The following STK32C variants were observed in gnomAD, a reference collection of about 807,000 sequenced individuals.
STK32C encodes the protein serine/threonine-protein kinase 32C.
Under a neutral mutation model 56.5 loss-of-function variants are expected in STK32C, and 31 were observed. That is an observed-to-expected ratio of 0.55 (90% CI 0.41 to 0.74). The LOEUF (loss-of-function observed/expected upper bound fraction) is 0.74. STK32C is among the 30% of genes least tolerant of loss of function. The pLI, the probability that STK32C is intolerant of heterozygous loss-of-function variation, is 0.00. For synonymous variants in STK32C, 309 were observed against 289.4 expected, an observed-to-expected ratio of 1.07 and a Z score of -0.69; for missense variants, 544 against 676.9, an observed-to-expected ratio of 0.80 and a Z score of 2.18.
At chr10:132,312,573 C>A (rs1044005312), upstream of STK32C, among the ~76,000 whole-genome samples, 1 of 152,140 alleles carries the variant, frequency 6.6e-6, no homozygotes, top group African/African-American at 2.4e-5. Flanking sequence ...TAAAAAGAGT[C>A]ATCGGTCCCA....
intron 1 of STK32C, among the ~76,000 whole-genome samples, chr10:132,266,387 T>A (rs1334557338): frequency 6.6e-6 from 1 of 152,140 alleles, no homozygotes; most frequent in East Asian, 1.9e-4. Context: ...TCTGTCTCCA[T>A]GGGGGGTCTT....
chr10:132,308,882 G>A (rs1475141064), upstream of STK32C, among the ~76,000 whole-genome samples: 1 of 152,226 alleles, frequency 6.6e-6, no homozygotes, highest in East Asian at 1.9e-4. Flanking sequence ...TGGAGAAGGC[G>A]CGGCTCTGCA....
chr10:132,298,601 G>A (rs1396899409), intron 1 of STK32C, among the ~76,000 whole-genome samples: 1 of 152,140 alleles, frequency 6.6e-6, no homozygotes, highest in Non-Finnish European at 1.5e-5. Flanking sequence ...CACTGGGGAG[G>A]GAGGGAGGGG....
intron 4 of STK32C, 30 bp from the exon 5 acceptor site, chr10:132,225,814 T>G: frequency 5.0e-6 from 8 of 1,613,204 alleles, no homozygotes; most frequent in Non-Finnish European, 6.8e-6. Context: ...GGAAGGTGAG[T>G]TGGGAATCTG....
At position 132,330,518 on chromosome 10, in the gene STK32C, CTT is replaced by C. The variant is rs71694648; in HGVS notation, c.301+916_301+917del. The C allele has an allele frequency of 5.8e-4, 408 of 700,352 alleles. No individual in the cohort carries two copies. In the African/African-American group the frequency reaches 6.5e-3, roughly 11 times the overall value. The allele number at this position is 700,352 out of a possible 1,614,324, so 43.4% of individuals were successfully genotyped here. ...GTAGATAGTTGGGTATGTACGAAAA[CTT>C]TTTTTTTGAGACAGGGTCTCGCTGT... is the stretch of plus-strand genomic sequence containing the variant. On this transcript the variant is annotated intron_variant, in intron 1 of 1. Transcript: ENST00000368619.
chr10:132,253,390 G>C (rs2063976945), intron 1 of STK32C, among the ~76,000 whole-genome samples: 1 of 150,836 alleles, frequency 6.6e-6, no homozygotes, highest in South Asian at 2.1e-4. Flanking sequence ...AGCCGAGGTA[G>C]CTGGAGGGAG....
At position 132,207,996 on chromosome 10, in the gene STK32C, A is replaced by G. The variant is rs376431861; in HGVS notation, c.*14T>C. ...CAAAGCAGCTCAAGGGGTGAGGACC[A>G]CGGGCGTCCCGGCCTAGCCGCTCCC... On this transcript the variant is annotated 3_prime_UTR_variant, in exon 12 of 12. Transcript: ENST00000298630. 387 of 1,302,216 alleles carry G rather than the reference A, an allele frequency of 3.0e-4. No individual in the cohort carries two copies. Among genetic ancestry groups the G allele is most frequent in the Non-Finnish European group, 3.2e-4 (330 of 1,018,820 alleles). The allele number at this position is 1,302,216 out of a possible 1,614,324, so 80.7% of individuals were successfully genotyped here.
intron 1 of STK32C, chr10:132,330,231 T>C: frequency 1.8e-6 from 1 of 548,550 alleles, no homozygotes; most frequent in Non-Finnish European, 3.3e-6. Flanking sequence ...TAATGTAGCA[T>C]GAAAAATGTG....
At chr10:132,226,695 C>T (rs769288469) in intron 4 of STK32C, 100 bp downstream of exon 4, 57 of 1,427,096 alleles carry the variant, frequency 4.0e-5, no homozygotes, top group South Asian at 2.3e-4. Flanking sequence ...GAGCTAGACC[C>T]GCTCTGAGGG....
rs1318875097 is a variant in STK32C, at chr10:132,239,658, T to C, written c.318+6242A>G. Among the ~76,000 whole-genome samples the C allele has an allele frequency of 3.3e-5, 5 of 152,298 alleles. No individual in the cohort carries two copies. The East Asian group carries it at 5.8e-4, about 18-fold the overall frequency. ...GAAACCCAGGCCCAGCCGCCCGCAGTGACTGCAGCAGCCCCTGCCCCGGGA... is the reference window on the plus strand; with the variant it reads ...GAAACCCAGGCCCAGCCGCCCGCAGCGACTGCAGCAGCCCCTGCCCCGGGA... On this transcript the variant is annotated intron_variant, in intron 2 of 11. Transcript: ENST00000298630.
rs568579900 is a variant in STK32C, at chr10:132,228,279, C to T, written c.319-151G>A. ...CCGCAGCCCCTCTGCCTCCTAGACG[C>T]GGCAGGTGCATTCCTCTCTGCCACA... On this transcript the variant is annotated intron_variant, in intron 2 of 11. Coordinates refer to ENST00000298630, the MANE Select transcript of STK32C (RefSeq NM_173575.4). The T allele has an allele frequency of 2.5e-4, 220 of 874,560 alleles. 1 individual carries two copies. The African/African-American group carries it at 3.1e-3, about 12-fold the overall frequency. 54.2% of individuals were successfully genotyped at this position (874,560 alleles called of 1,614,324 possible).
chr10:132,233,474 C>T (rs1332662658), intron 2 of STK32C, among the ~76,000 whole-genome samples: 3 of 152,196 alleles, frequency 2.0e-5, no homozygotes, highest in Non-Finnish European at 2.9e-5. Flanking sequence ...AGTTTTCCCC[C>T]GATGCCTAGT....
chr10:132,251,223 C>A (rs73383237), intron 1 of STK32C, among the ~76,000 whole-genome samples: 1 of 152,346 alleles, frequency 6.6e-6, no homozygotes, highest in South Asian at 2.1e-4. Context: ...CAGGCCCTAC[C>A]CAGTTTCGCC....
chr10:132,239,718 C>T (rs59869720), intron 2 of STK32C, among the ~76,000 whole-genome samples: 3,944 of 152,312 alleles, frequency 0.026, 162 homozygotes, highest in African/African-American at 0.088. Flanking sequence ...TGCTGGACAT[C>T]GTCAACTTTT....
intron 2 of STK32C, among the ~76,000 whole-genome samples, chr10:132,234,581 G>C (rs1219725388): frequency 6.6e-6 from 1 of 152,220 alleles, no homozygotes; most frequent in Non-Finnish European, 1.5e-5. Context: ...CCTGCATCCT[G>C]TGCTCTGTAT....
At chr10:132,327,639 A>G (rs541101360) in intron 1 of STK32C, among the ~76,000 whole-genome samples, 13 of 151,962 alleles carry the variant, frequency 8.6e-5, no homozygotes, top group African/African-American at 3.1e-4. Context: ...CCACGCCTGG[A>G]TAATTTTTGT....
intron 2 of STK32C, among the ~76,000 whole-genome samples, chr10:132,245,094 T>C (rs1207037538): frequency 2.0e-5 from 3 of 152,196 alleles, no homozygotes; most frequent in Non-Finnish European, 4.4e-5. Context: ...AGGTAATTAA[T>C]CGCATTCAAA....
chr10:132,240,481 C>A (rs1430443514), intron 2 of STK32C, among the ~76,000 whole-genome samples: 1 of 152,204 alleles, frequency 6.6e-6, no homozygotes. Context: ...TGCACGGGGG[C>A]ATGGAGCTGG....
At chr10:132,282,572 C>A (rs886545674) in intron 1 of STK32C, among the ~76,000 whole-genome samples, 8 of 152,224 alleles carry the variant, frequency 5.3e-5, no homozygotes, top group African/African-American at 1.4e-4. Flanking sequence ...ACTTATTTAA[C>A]CCACAGCCAT....
Sources: allele counts gnomAD v4.1 joint callset (sites outside exome capture counted in the v4.1 genomes callset), GRCh38; gene constraint gnomAD v4.1.1; transcripts MANE v1.5; gene names NCBI Gene and HGNC (gene_info 2026-07-23, HGNC 2026-07-21).